LNPEP: variants seen among roughly 807,000 people sequenced by gnomAD.
LNPEP encodes the protein leucyl-cystinyl aminopeptidase.
A neutral mutation model predicts 120.6 loss-of-function variants in LNPEP; 64 were observed. That is an observed-to-expected ratio of 0.53 (90% CI 0.43 to 0.65). The LOEUF (loss-of-function observed/expected upper bound fraction) is 0.65, where lower values mean the gene tolerates loss of function less well. LNPEP is among the 30% of genes least tolerant of loss of function. The pLI is 0.00. For synonymous variants in LNPEP, 435 were observed against 425.4 expected, an observed-to-expected ratio of 1.02 and a Z score of -0.28; for missense variants, 1,057 against 1,200.0, an observed-to-expected ratio of 0.88 and a Z score of 1.76.
intron 5 of LNPEP, among the ~76,000 whole-genome samples, chr5:96,993,426 C>A (rs1012657528): frequency 3.3e-5 from 5 of 152,084 alleles, no homozygotes; most frequent in African/African-American, 1.2e-4. Context: ...CCAAGAAATA[C>A]CCTATTTAAA....
intron 1 of LNPEP, among the ~76,000 whole-genome samples, chr5:96,944,868 C>CCACATTTG (rs1235776293): frequency 6.6e-6 from 1 of 151,870 alleles, no homozygotes; most frequent in Non-Finnish European, 1.5e-5. Context: ...ACACATGTGG[C>CCACATTTG]CACATTCAAA....
At chr5:96,950,804 A>G (rs115837317) in intron 1 of LNPEP, among the ~76,000 whole-genome samples, 2 of 152,326 alleles carry the variant, frequency 1.3e-5, no homozygotes, top group East Asian at 3.9e-4. Flanking sequence ...TACTATGAAT[A>G]CGTTGATTCA....
At chr5:96,955,883 CTGTT>C (rs980031612) in intron 1 of LNPEP, among the ~76,000 whole-genome samples, 11 of 152,312 alleles carry the variant, frequency 7.2e-5, no homozygotes, top group African/African-American at 2.4e-4. Context: ...ATCTTTCAAA[CTGTT>C]TGTGCCATTT....
chr5:97,016,137 C>A (rs1791064066), intron 13 of LNPEP, among the ~76,000 whole-genome samples: 1 of 152,082 alleles, frequency 6.6e-6, no homozygotes, highest in Non-Finnish European at 1.5e-5. Flanking sequence ...AAAGGAGTTA[C>A]CCCATCCCTA....
intron 13 of LNPEP, among the ~76,000 whole-genome samples, chr5:97,016,848 A>T (rs1372034542): frequency 6.6e-6 from 1 of 152,134 alleles, no homozygotes; most frequent in African/African-American, 2.4e-5. Context: ...TCCAATATCG[A>T]CTTTCTAGTG....
chr5:96,994,077 G>T, intron 6 of LNPEP, 106 bp downstream of exon 6: 3 of 864,604 alleles, frequency 3.5e-6, no homozygotes, highest in Non-Finnish European at 3.5e-6. Flanking sequence ...TTTAAGCATT[G>T]CCTTCTTTTA....
In LNPEP at chr5:96,979,873, T is replaced by C. The variant is rs751157476; in HGVS notation, c.755T>C (p.Leu252Pro). ...GCCATTGTTGCCCCCGAAGCCCTTC[T>C]AGCAGGGCACAATTATACGTTGAAG... ...QIAIVAPEAL[L>P]AGHNYTLKIE... The change falls in exon 2 of 18, where the codon CTA (leucine) becomes CCA (proline). Residue 252 changes from leucine to proline, a missense_variant. Coordinates refer to ENST00000231368, the MANE Select transcript of LNPEP (RefSeq NM_005575.3). 2 of 1,613,854 alleles carry C rather than the reference T, an allele frequency of 1.2e-6. No homozygotes were observed. The highest frequency in any genetic ancestry group is 1.7e-6 in the Non-Finnish European group (2 of 1,179,900).
At chr5:97,025,050 A>G (rs2112672883) in intron 15 of LNPEP, among the ~76,000 whole-genome samples, 1 of 152,338 alleles carries the variant, frequency 6.6e-6, no homozygotes, top group Middle Eastern at 3.4e-3. Flanking sequence ...CAGAAAAAAA[A>G]AATCACATAT....
chr5:96,974,550 G>GA (rs1438330084), intron 1 of LNPEP, among the ~76,000 whole-genome samples: 1 of 152,024 alleles, frequency 6.6e-6, no homozygotes, highest in African/African-American at 2.4e-5. Flanking sequence ...ACAGACAAAT[G>GA]AAAAACAAAA....
At chr5:96,936,312 A>T in intron 1 of LNPEP, 138 bp downstream of exon 1, 2 of 296,840 alleles carry the variant, frequency 6.7e-6, no homozygotes, top group Non-Finnish European at 5.3e-6. Context: ...GGAGGCAGGG[A>T]GAGGGGATCT....
At chr5:96,986,821 T>C (rs1196282493) in intron 4 of LNPEP, 151 bp downstream of exon 4, 1 of 732,348 alleles carries the variant, frequency 1.4e-6, no homozygotes, top group Non-Finnish European at 2.2e-6. Flanking sequence ...CTTTTTTGCT[T>C]AGCTGTTATT....
chr5:96,998,741 G>A (rs967642465), intron 8 of LNPEP, among the ~76,000 whole-genome samples: 21 of 152,168 alleles, frequency 1.4e-4, no homozygotes, highest in Non-Finnish European at 2.5e-4. Context: ...TACACAAAAT[G>A]TGTGAGATAC....
At chr5:97,006,353 G>A in intron 10 of LNPEP, 74 bp from the exon 11 acceptor site, 1 of 1,244,174 alleles carries the variant, frequency 8.0e-7, no homozygotes, top group South Asian at 1.3e-5. Flanking sequence ...CCTAGGAATA[G>A]CTTAACCTTC....
intron 1 of LNPEP, among the ~76,000 whole-genome samples, chr5:96,972,702 G>A (rs1359652394): frequency 6.6e-6 from 1 of 152,074 alleles, no homozygotes; most frequent in Admixed American, 6.6e-5. Flanking sequence ...GCAAACAGGT[G>A]TATTGTTTTG....
intron 14 of LNPEP, 139 bp from the exon 15 acceptor site, chr5:97,024,380 CTT>C: frequency 7.0e-6 from 5 of 716,592 alleles, no homozygotes; most frequent in Non-Finnish European, 1.2e-5. Context: ...CTGAATTAAA[CTT>C]TTTCTCAACC....
At chr5:96,988,686 C>T (rs758346669) in intron 4 of LNPEP, among the ~76,000 whole-genome samples, 6 of 151,942 alleles carry the variant, frequency 3.9e-5, no homozygotes, top group African/African-American at 9.7e-5. Context: ...CATAGCTCAC[C>T]GTAACATTAA....
intron 13 of LNPEP, among the ~76,000 whole-genome samples, chr5:97,016,773 ATATT>A (rs1791077781): frequency 6.6e-6 from 1 of 152,156 alleles, no homozygotes; most frequent in South Asian, 2.1e-4. Context: ...TTTTAAAACA[ATATT>A]TATGTGCCTT....
At chr5:96,989,015 A>G (rs1422782101) in intron 4 of LNPEP, among the ~76,000 whole-genome samples, 1 of 151,916 alleles carries the variant, frequency 6.6e-6, no homozygotes, top group Non-Finnish European at 1.5e-5. Flanking sequence ...ATGTGTGTGC[A>G]TGTGCATGCT....
chr5:97,001,619 CA>C (rs2112639373), intron 8 of LNPEP, among the ~76,000 whole-genome samples: 1 of 152,020 alleles, frequency 6.6e-6, no homozygotes, highest in African/African-American at 2.4e-5. Context: ...AAAAGGGGTC[CA>C]AAGATCAGAT....
Sources: gnomAD v4.1 joint callset for allele counts (sites outside exome capture counted in the v4.1 genomes callset) on GRCh38, gnomAD v4.1.1 for gene constraint, MANE v1.5 for transcripts, NCBI Gene and HGNC (gene_info 2026-07-23, HGNC 2026-07-21) for gene names.